Variants in VTI1A observed in about 807,000 individuals in gnomAD.
VTI1A encodes vesicle transport through interaction with t-SNAREs 1A.
Under a neutral mutation model 34.9 loss-of-function variants are expected in VTI1A, and 22 were observed. That is an observed-to-expected ratio of 0.63 (90% CI 0.45 to 0.90). The LOEUF is 0.90. Ranked by LOEUF, VTI1A falls within the 40% of genes least tolerant of loss-of-function variation. The pLI, the probability that VTI1A is intolerant of heterozygous loss-of-function variation, is 0.00. For synonymous variants in VTI1A, 87 were observed against 97.3 expected, an observed-to-expected ratio of 0.89 and a Z score of 0.62; for missense variants, 268 against 275.6, an observed-to-expected ratio of 0.97 and a Z score of 0.20.
intron 7 of VTI1A, among the ~76,000 whole-genome samples, chr10:112,790,550 T>C (rs1852426836): frequency 6.6e-6 from 1 of 152,182 alleles, no homozygotes; most frequent in Non-Finnish European, 1.5e-5. Context: ...TTTGCTACTT[T>C]TATTGACAAT....
At chr10:112,640,932 A>G (rs1467401166) in intron 5 of VTI1A, among the ~76,000 whole-genome samples, 1 of 152,174 alleles carries the variant, frequency 6.6e-6, no homozygotes, top group African/African-American at 2.4e-5. Flanking sequence ...TTAGTATCCA[A>G]ATTACTCTAT....
chr10:112,490,363 G>A (rs932455402), intron 3 of VTI1A, among the ~76,000 whole-genome samples: 2 of 152,078 alleles, frequency 1.3e-5, no homozygotes, highest in African/African-American at 2.4e-5. Flanking sequence ...TAATAAATAC[G>A]ACATTTTTCT....
At chr10:112,455,185 T>TCCCCC in intron 1 of VTI1A, among the ~76,000 whole-genome samples, 1 of 574 alleles carries the variant, frequency 1.7e-3, no homozygotes, top group Non-Finnish European at 3.2e-3. Flanking sequence ...CCTCCCCTCC[T>TCCCCC]CCCCTCACCT....
At chr10:112,650,611 G>T (rs950489431) in intron 5 of VTI1A, among the ~76,000 whole-genome samples, 1 of 151,992 alleles carries the variant, frequency 6.6e-6, no homozygotes, top group African/African-American at 2.4e-5. Flanking sequence ...TGTATGACTC[G>T]CAGTGCAGTA....
chr10:112,832,203 T>G, the VTI1A span: 1 of 151,602 alleles, frequency 6.6e-6, no homozygotes, highest in Non-Finnish European at 1.5e-5. Flanking sequence ...GGGTGTATTT[T>G]GATGTAGGGC....
chr10:112,530,994 G>A (rs1332181615), intron 4 of VTI1A, among the ~76,000 whole-genome samples: 10 of 151,410 alleles, frequency 6.6e-5, no homozygotes, highest in East Asian at 2.0e-4. Flanking sequence ...ATCTGTATGC[G>A]AACAGAGACA....
chr10:112,663,755 A>G (rs766652235), intron 5 of VTI1A, among the ~76,000 whole-genome samples: 25 of 152,188 alleles, frequency 1.6e-4, no homozygotes, highest in Non-Finnish European at 2.9e-4. Context: ...GCTGTGTGTC[A>G]ATCCCTCTGC....
At chr10:112,542,709 A>G (rs1850914038) in intron 5 of VTI1A, among the ~76,000 whole-genome samples, 1 of 152,132 alleles carries the variant, frequency 6.6e-6, no homozygotes, top group Admixed American at 6.5e-5. Flanking sequence ...CCTCACCACA[A>G]ACCTATGTAG....
chr10:112,565,087 G>A (rs893577490), intron 5 of VTI1A, among the ~76,000 whole-genome samples: 11 of 152,056 alleles, frequency 7.2e-5, no homozygotes, highest in Admixed American at 3.3e-4. Flanking sequence ...GGAAGTGAAT[G>A]TATTTATCAA....
chr10:112,541,239 C>T (rs866274016), intron 5 of VTI1A, among the ~76,000 whole-genome samples: 24 of 152,014 alleles, frequency 1.6e-4, no homozygotes, highest in Middle Eastern at 3.4e-3. Flanking sequence ...GCCTGATATA[C>T]TGAATTGGAG....
At chr10:112,562,207 G>T (rs1299803706) in intron 5 of VTI1A, among the ~76,000 whole-genome samples, 1 of 152,106 alleles carries the variant, frequency 6.6e-6, no homozygotes, top group African/African-American at 2.4e-5. Context: ...GACACTGCAG[G>T]TTTAAAGTAT....
intron 7 of VTI1A, among the ~76,000 whole-genome samples, chr10:112,742,801 A>G (rs937784193): frequency 1.3e-5 from 2 of 152,234 alleles, no homozygotes; most frequent in East Asian, 3.8e-4. Context: ...TTACAGATGT[A>G]CTACTTCCTT....
chr10:112,476,198 G>A (rs751517129), intron 3 of VTI1A, among the ~76,000 whole-genome samples: 1 of 152,148 alleles, frequency 6.6e-6, no homozygotes, highest in African/African-American at 2.4e-5. Flanking sequence ...TAAATTGTTT[G>A]CTCATAAATA....
chr10:112,572,655 G>A (rs1225133188), intron 5 of VTI1A, among the ~76,000 whole-genome samples: 1 of 151,156 alleles, frequency 6.6e-6, no homozygotes, highest in Non-Finnish European at 1.5e-5. Context: ...TGGCTAACAC[G>A]GTGAAACCCC....
At chr10:112,729,748 A>T (rs1177158674) in intron 7 of VTI1A, among the ~76,000 whole-genome samples, 1 of 152,218 alleles carries the variant, frequency 6.6e-6, no homozygotes, top group Non-Finnish European at 1.5e-5. Context: ...ATTGAAATAC[A>T]GTCAGGTGGG....
At chr10:112,629,366 C>T (rs770289643) in intron 5 of VTI1A, among the ~76,000 whole-genome samples, 1 of 152,256 alleles carries the variant, frequency 6.6e-6, no homozygotes, top group Non-Finnish European at 1.5e-5. Context: ...TACACTATTC[C>T]TCCTATCGCC....
intron 7 of VTI1A, among the ~76,000 whole-genome samples, chr10:112,706,319 C>T (rs991693760): frequency 6.6e-6 from 1 of 152,124 alleles, no homozygotes; most frequent in African/African-American, 2.4e-5. Context: ...GGAGTGGACA[C>T]GTTTAATTAC....
At chr10:112,513,103 A>G (rs1589848421) in intron 3 of VTI1A, among the ~76,000 whole-genome samples, 1 of 152,078 alleles carries the variant, frequency 6.6e-6, no homozygotes, top group African/African-American at 2.4e-5. Context: ...TAGAGATTGC[A>G]TTGAATCTGT....
intron 3 of VTI1A, among the ~76,000 whole-genome samples, chr10:112,516,082 AGTACAATTT>A (rs1377993665): frequency 6.6e-6 from 1 of 152,110 alleles, no homozygotes. Context: ...GTTGCCTAAC[AGTACAATTT>A]GGGGTCTCAG....
Sources: gnomAD v4.1 joint callset for allele counts (sites outside exome capture counted in the v4.1 genomes callset) on GRCh38, gnomAD v4.1.1 for gene constraint, MANE v1.5 for transcripts, NCBI Gene and HGNC (gene_info 2026-07-23, HGNC 2026-07-21) for gene names.